The following RPRD2 variants were observed in gnomAD, a reference collection of about 807,000 sequenced individuals.
The protein encoded by RPRD2 is regulation of nuclear pre-mRNA domain-containing protein 2.
A neutral mutation model predicts 104.4 loss-of-function variants in RPRD2; 12 were observed. The ratio of observed to expected loss-of-function variants is 0.11; its 90% confidence interval spans 0.07 to 0.19. The LOEUF (loss-of-function observed/expected upper bound fraction) is 0.19, where lower values mean the gene tolerates loss of function less well. Among genes scored for constraint, RPRD2 ranks in the 10% least tolerant of loss-of-function variants. The probability of loss-of-function intolerance (pLI) is 1.00; values close to 1 mark genes in which losing one functional copy is unlikely to be tolerated. For missense variants in RPRD2, 1,543 were observed against 1,790.1 expected (o/e 0.86, Z 2.49); for synonymous variants, 714 against 684.9 (o/e 1.04, Z -0.66).
intron 1 of RPRD2, among the ~76,000 whole-genome samples, chr1:150,395,117 A>G (rs2102193845): frequency 6.6e-6 from 1 of 152,182 alleles, no homozygotes; most frequent in South Asian, 2.1e-4. Context: ...AGCAGTATAC[A>G]CTGAACCCAA....
At position 150,460,189 on chromosome 1, in the gene RPRD2, C is replaced by T. The variant is rs1667832367; in HGVS notation, c.1283C>T (p.Pro428Leu). 1 of 1,613,850 alleles carries T rather than the reference C, an allele frequency of 6.2e-7. No individual in the cohort carries two copies. The highest frequency in any genetic ancestry group is 8.5e-7 in the Non-Finnish European group (1 of 1,179,878). The change falls in exon 9 of 11, where the codon CCT becomes CTT. Residue 428 changes from proline (P) to leucine (L), a missense_variant. Physicochemically the swap from Pro to Leu is moderately conservative, Grantham distance 98 (BLOSUM62 -3). Around this residue, in one of 4 missense-constraint regions of RPRD2, gnomAD observed 572 missense variants for 787.3 expected, o/e 0.73. Transcript: ENST00000369068. The stretch of plus-strand genomic sequence containing the variant: ...CCTGTGACCATGACAGCAACTCCAC[C>T]TCTTCCAAAGCCTGTGAATACTTCT... ...PVPVTMTATPPLPKPVNTSLS... is the reference protein window; with the variant it reads ...PVPVTMTATPLLPKPVNTSLS...
At chr1:150,403,667 G>T (rs587711045) in intron 1 of RPRD2, among the ~76,000 whole-genome samples, 32,912 of 150,280 alleles carry the variant, frequency 0.22, 4,113 homozygotes, top group African/African-American at 0.32. Context: ...TTTTTTTTGT[G>T]TGTGACAGAG....
intron 1 of RPRD2, among the ~76,000 whole-genome samples, chr1:150,416,850 C>T (rs1200673005): frequency 3.1e-5 from 4 of 129,520 alleles, no homozygotes; most frequent in East Asian, 4.5e-4. Flanking sequence ...GTAGCCTGGG[C>T]GACAGAGTGA....
chr1:150,393,030 A>G (rs587729368), intron 1 of RPRD2, among the ~76,000 whole-genome samples: 1 of 152,310 alleles, frequency 6.6e-6, no homozygotes, highest in East Asian at 1.9e-4. Context: ...AGGGATGATC[A>G]GTTCAGATTT....
In RPRD2 at chr1:150,444,333, T is replaced by G; in HGVS notation, c.650T>G (p.Met217Arg). 6.2e-7 allele frequency: 1 copy of G among 1,613,920 alleles called. No individual in the cohort carries two copies. The highest frequency in any genetic ancestry group is 8.5e-7 in the Non-Finnish European group (1 of 1,179,840). ...CTGAAGGAAAAGCAGTTGTCAACTA[T>G]GAGGGTGGATGTGTGCAGCACAGAA... is the stretch of plus-strand genomic sequence containing the variant. ...IELKEKQLST[M>R]RVDVCSTETL... is the part of the protein sequence containing the mutation. Residue 217 changes from methionine to arginine, a missense_variant, in exon 6 of 11, where the codon ATG becomes AGG. Transcript: ENST00000369068.
At chr1:150,395,008 T>G (rs1662387924) in intron 1 of RPRD2, among the ~76,000 whole-genome samples, 1 of 152,162 alleles carries the variant, frequency 6.6e-6, no homozygotes, top group South Asian at 2.1e-4. Context: ...TAAATTAAAT[T>G]TTTTTATTTC....
intron 4 of RPRD2, among the ~76,000 whole-genome samples, chr1:150,442,380 GA>G (rs1666465595): frequency 6.6e-6 from 1 of 152,078 alleles, no homozygotes; most frequent in African/African-American, 2.4e-5. Flanking sequence ...AGATTTGGGG[GA>G]TATACTCTAC....
chr1:150,443,156 A>G, intron 4 of RPRD2, 75 bp from the exon 5 acceptor site: 3 of 1,004,348 alleles, frequency 3.0e-6, no homozygotes, highest in Non-Finnish European at 4.6e-6. Context: ...ATCTTTAACT[A>G]TAGAGCTAAA....
rs189643836 is a variant in RPRD2 at position 150,417,722 on chromosome 1, T to C, written c.332T>C (p.Val111Ala). The C allele has an allele frequency of 5.9e-5, 94 of 1,596,010 alleles. 1 individual carries two copies. The East Asian group carries it at 2.1e-3, about 35-fold the overall frequency. Residue 111 changes from valine (V) to alanine (A), a missense_variant, in exon 2 of 11, where the codon GTG (valine) becomes GCG (alanine). Physicochemically the swap from Val to Ala is moderately conservative, Grantham distance 64. Coordinates refer to ENST00000369068, the MANE Select transcript of RPRD2 (RefSeq NM_015203.5). ...ADVLPEAAAL[V>A]KDPSVSKSVE... ...GTACTTCCTGAAGCAGCTGCTCTAG[T>C]GAAGTAAGTAAATCTTTATTGCTCT...
intron 1 of RPRD2, among the ~76,000 whole-genome samples, chr1:150,415,406 G>C (rs1664261444): frequency 6.6e-6 from 1 of 152,086 alleles, no homozygotes; most frequent in South Asian, 2.1e-4. Context: ...GGATAAGCCA[G>C]GTGCAGTAGT....
At chr1:150,431,807 C>T (rs2102323544) in intron 2 of RPRD2, among the ~76,000 whole-genome samples, 1 of 152,026 alleles carries the variant, frequency 6.6e-6, no homozygotes, top group African/African-American at 2.4e-5. Context: ...CTAATACATG[C>T]CGCAGCATGG....
chr1:150,439,489 G>A (rs967555317), intron 2 of RPRD2, among the ~76,000 whole-genome samples: 3 of 152,012 alleles, frequency 2.0e-5, no homozygotes, highest in Admixed American at 6.6e-5. Flanking sequence ...CAAAAAAAAA[G>A]AAAATTGTAA....
At position 150,460,201 on chromosome 1, in the gene RPRD2, C is replaced by T; in HGVS notation, c.1295C>T (p.Pro432Leu). 3 of 1,613,964 alleles carry T rather than the reference C, an allele frequency of 1.9e-6. No individual in the cohort carries two copies. The highest frequency in any genetic ancestry group is 2.5e-6 in the Non-Finnish European group (3 of 1,179,876). The part of the protein sequence containing the change: ...TMTATPPLPK[P>L]VNTSLSPSPA... The stretch of plus-strand genomic sequence containing the variant: ...ACAGCAACTCCACCTCTTCCAAAGC[C>T]TGTGAATACTTCTCTTTCCCCTTCC... The change falls in exon 9 of 11, where the codon CCT becomes CTT. Residue 432 changes from proline (P) to leucine (L), a missense_variant. This residue lies in a region of RPRD2 where 572 missense variants were observed against 787.3 expected (regional missense o/e 0.73). Transcript: ENST00000369068.
intron 1 of RPRD2, among the ~76,000 whole-genome samples, chr1:150,415,144 CAT>C (rs1263255914): frequency 6.6e-6 from 1 of 151,992 alleles, no homozygotes; most frequent in Non-Finnish European, 1.5e-5. Flanking sequence ...GCCAGCATAA[CAT>C]AGTGAAACTC....
In RPRD2 at chr1:150,446,311, G is replaced by A; in HGVS notation, c.780G>A (p.Gln260=). 1 of 1,612,662 alleles carries A rather than the reference G, an allele frequency of 6.2e-7. No individual in the cohort carries two copies. Among genetic ancestry groups the A allele is most frequent in the South Asian group, 1.1e-5 (1 of 90,822 alleles). ...AATTTGTGAATGGATTAGATAAGCAGGTGAAAAACGGACCCTCATTAACAG... is the reference window on the plus strand; with the variant it reads ...AATTTGTGAATGGATTAGATAAGCAAGTGAAAAACGGACCCTCATTAACAG... ...LEEFVNGLDK[Q]VKNGPSLTEA... is the part of the protein sequence containing the mutation. The change falls in exon 7 of 11, where the codon CAG becomes CAA. Residue 260 remains glutamine, a synonymous_variant. Transcript: ENST00000369068.
intron 2 of RPRD2, among the ~76,000 whole-genome samples, chr1:150,426,146 A>G (rs1665111870): frequency 6.6e-6 from 1 of 151,838 alleles, no homozygotes; most frequent in Non-Finnish European, 1.5e-5. Context: ...AAAGCCTTCT[A>G]CAGTCAAATC....
chr1:150,428,098 C>T (rs1347282692), intron 2 of RPRD2, among the ~76,000 whole-genome samples: 1 of 151,938 alleles, frequency 6.6e-6, no homozygotes, highest in Non-Finnish European at 1.5e-5. Flanking sequence ...AGATATTTGT[C>T]GTAGACTAAG....
intron 1 of RPRD2, among the ~76,000 whole-genome samples, chr1:150,377,802 C>T (rs920647269): frequency 2.6e-5 from 4 of 151,620 alleles, no homozygotes; most frequent in African/African-American, 4.9e-5. Flanking sequence ...GTCAGCTCTG[C>T]AAAATATGAA....
rs77883428 is a variant in RPRD2, at chr1:150,374,242, G to A, written c.205+9323G>A. Among the ~76,000 whole-genome samples, 258 of 152,250 alleles carry A rather than the reference G, an allele frequency of 1.7e-3. 2 individuals are homozygous for A. Among genetic ancestry groups the A allele is most frequent in the Admixed American group, 0.011 (175 of 15,290 alleles). ...ATAAAAATCCAAAAGGACTGGTTTT[G>A]GGAAGCTTCTAGACAGCAAAACATA... On this transcript the variant is annotated intron_variant, in intron 1 of 10. Coordinates refer to ENST00000369068, the MANE Select transcript of RPRD2 (RefSeq NM_015203.5).
Sources: gnomAD v4.1 joint callset for allele counts (sites outside exome capture counted in the v4.1 genomes callset) on GRCh38, gnomAD v4.1.1 for gene constraint, gnomAD v4.1.1 regional missense constraint, MANE v1.5 for transcripts, NCBI Gene and HGNC (gene_info 2026-07-23, HGNC 2026-07-21) for gene names.